Variants in NINL observed in about 807,000 individuals in gnomAD.
The protein encoded by NINL is ninein like.
In NINL, 153 loss-of-function variants were observed where a neutral mutation model predicts 160.3. That is an observed-to-expected ratio of 0.95 (90% confidence interval 0.84 to 1.09). NINL has a LOEUF of 1.09. Among genes scored for constraint, NINL ranks in the 50% least tolerant of loss-of-function variants. NINL has a pLI of 0.00. For synonymous variants in NINL, 800 were observed against 734.8 expected (o/e 1.09, Z -1.43); for missense variants, 1,829 against 1,764.0 (o/e 1.04, Z -0.66).
intron 1 of NINL, among the ~76,000 whole-genome samples, chr20:25,570,548 T>G (rs2065042164): frequency 6.6e-6 from 1 of 152,120 alleles, no homozygotes; most frequent in South Asian, 2.1e-4. Context: ...CCTATACAGT[T>G]TGCAGAACCC....
intron 1 of NINL, among the ~76,000 whole-genome samples, chr20:25,583,655 C>T (rs1295288129): frequency 6.6e-6 from 1 of 152,166 alleles, no homozygotes; most frequent in Non-Finnish European, 1.5e-5. Flanking sequence ...AATCATTCTA[C>T]TATAAAGACA....
intron 10 of NINL, among the ~76,000 whole-genome samples, chr20:25,494,990 T>C (rs1029703572): frequency 1.3e-5 from 2 of 152,184 alleles, no homozygotes; most frequent in African/African-American, 4.8e-5. Context: ...GGCCAGTTAC[T>C]GAGCTGCTCC....
At chr20:25,475,360 A>T (rs1319349873) in intron 17 of NINL, among the ~76,000 whole-genome samples, 1 of 152,102 alleles carries the variant, frequency 6.6e-6, no homozygotes, top group East Asian at 1.9e-4. Flanking sequence ...CTCTTCTCAA[A>T]CTCTTCCAAG....
intron 1 of NINL, among the ~76,000 whole-genome samples, chr20:25,534,666 C>T (rs982877795): frequency 6.6e-6 from 1 of 152,134 alleles, no homozygotes; most frequent in Non-Finnish European, 1.5e-5. Flanking sequence ...ATATGCAGTC[C>T]ATTGCTGACT....
At chr20:25,539,580 T>G (rs1041294336) in intron 1 of NINL, among the ~76,000 whole-genome samples, 1 of 152,198 alleles carries the variant, frequency 6.6e-6, no homozygotes, top group Admixed American at 6.5e-5. Flanking sequence ...TACCGTCCCA[T>G]GTATGTACAG....
chr20:25,499,424 A>G (rs866678843), intron 8 of NINL, among the ~76,000 whole-genome samples: 2 of 152,164 alleles, frequency 1.3e-5, no homozygotes, highest in Non-Finnish European at 2.9e-5. Context: ...GGGAAAGAGA[A>G]TAAGTTCTGA....
intron 1 of NINL, among the ~76,000 whole-genome samples, chr20:25,554,232 A>T (rs566335786): frequency 6.6e-6 from 1 of 152,004 alleles, no homozygotes; most frequent in East Asian, 1.9e-4. Flanking sequence ...GCATGGGGTC[A>T]GGAGAAAGGT....
At chr20:25,556,748 AG>A (rs1364207859) in intron 1 of NINL, among the ~76,000 whole-genome samples, 1 of 152,218 alleles carries the variant, frequency 6.6e-6, no homozygotes, top group Non-Finnish European at 1.5e-5. Flanking sequence ...TCGAGGCTGC[AG>A]GGAGCTGAGA....
At chr20:25,530,434 G>A (rs1172142152) in intron 1 of NINL, among the ~76,000 whole-genome samples, 1 of 152,082 alleles carries the variant, frequency 6.6e-6, no homozygotes, top group East Asian at 1.9e-4. Flanking sequence ...AGAGAGAGAC[G>A]TTGGGCAAAT....
intron 1 of NINL, among the ~76,000 whole-genome samples, chr20:25,561,909 A>G (rs910969966): frequency 2.7e-5 from 4 of 148,660 alleles, no homozygotes; most frequent in African/African-American, 5.0e-5. Flanking sequence ...GGTGGGGGTC[A>G]GCCCCCGCCA....
intron 20 of NINL, among the ~76,000 whole-genome samples, chr20:25,462,074 C>T (rs2062802870): frequency 6.6e-6 from 1 of 152,216 alleles, no homozygotes; most frequent in Admixed American, 6.5e-5. Context: ...GGGAACATCC[C>T]CATCGGAATC....
intron 10 of NINL, among the ~76,000 whole-genome samples, chr20:25,496,430 G>A (rs774694115): frequency 6.6e-5 from 10 of 152,192 alleles, no homozygotes; most frequent in South Asian, 2.1e-4. Flanking sequence ...GGACCTCCTC[G>A]GCCCATGGGG....
intron 10 of NINL, among the ~76,000 whole-genome samples, chr20:25,493,022 G>A (rs2063673734): frequency 6.6e-6 from 1 of 152,098 alleles, no homozygotes; most frequent in African/African-American, 2.4e-5. Flanking sequence ...GGGTTCTGAG[G>A]CTGCAGCTTA....
In NINL at chr20:25,459,542, G is replaced by A. The variant is rs546072129; in HGVS notation, c.3697-1013C>T. Among the ~76,000 whole-genome samples the A allele has an allele frequency of 5.3e-4, 80 of 152,272 alleles. 1 individual carries two copies. Among genetic ancestry groups the A allele is most frequent in the African/African-American group, 1.9e-3 (79 of 41,556 alleles). ...AAACGCAGCCTTCTCCCGAAGGCTC[G>A]TCTCAAGACGGTCACTCTGGCTGCC... is the stretch of plus-strand genomic sequence containing the variant. On this transcript the variant is annotated intron_variant, in intron 21 of 23. Transcript: ENST00000278886.
chr20:25,570,931 G>A (rs191763175), intron 1 of NINL, among the ~76,000 whole-genome samples: 13 of 151,618 alleles, frequency 8.6e-5, no homozygotes, highest in African/African-American at 2.4e-4. Context: ...TCAAACTCCT[G>A]GCCTCAAGTG....
At position 25,517,813 on chromosome 20, in the gene NINL, C is replaced by T. The variant is rs1044383674; in HGVS notation, c.217G>A (p.Val73Met). Residue 73 changes from valine to methionine, a missense_variant, in exon 3 of 24, where the codon GTG becomes ATG. By Grantham distance (21) the Val-to-Met change is conservative. Coordinates refer to ENST00000278886, the MANE Select transcript of NINL (RefSeq NM_025176.6). ...CGAACACCAGCATTTGAAGACAACA[C>T]AGCCACAAAACCTTCCTTAAATTCC... Reference protein sequence around the residue: ...FEEFKEGFVAVLSSNAGVRPS... With the variant: ...FEEFKEGFVAMLSSNAGVRPS... 6.2e-7 allele frequency: 1 copy of T among 1,609,134 alleles called. No individual in the cohort carries two copies. The highest frequency in any genetic ancestry group is 8.5e-7 in the Non-Finnish European group (1 of 1,178,846).
intron 1 of NINL, among the ~76,000 whole-genome samples, chr20:25,564,938 G>A (rs1600352550): frequency 6.6e-6 from 1 of 152,120 alleles, no homozygotes; most frequent in East Asian, 1.9e-4. Context: ...CGAAGCAAAA[G>A]CCGAGTAAGC....
intron 16 of NINL, among the ~76,000 whole-genome samples, chr20:25,478,656 C>T (rs559460164): frequency 6.6e-5 from 10 of 152,252 alleles, no homozygotes; most frequent in Admixed American, 1.3e-4. Context: ...ATGTTGCTGC[C>T]GGGCACGGCT....
intron 10 of NINL, among the ~76,000 whole-genome samples, chr20:25,495,317 T>C (rs1044332191): frequency 6.6e-5 from 10 of 152,184 alleles, no homozygotes; most frequent in Non-Finnish European, 1.5e-4. Flanking sequence ...CCCTGGGGAC[T>C]CCGCAGCACC....
Sources: gnomAD v4.1 joint callset for allele counts (sites outside exome capture counted in the v4.1 genomes callset) on GRCh38, gnomAD v4.1.1 for gene constraint, MANE v1.5 for transcripts, NCBI Gene and HGNC (gene_info 2026-07-23, HGNC 2026-07-21) for gene names.